The following SETD7 variants were observed in gnomAD, a reference collection of about 807,000 sequenced individuals.
SETD7 encodes histone-lysine N-methyltransferase SETD7.
In SETD7, 16 loss-of-function variants were observed where a neutral mutation model predicts 41.8. The observed-to-expected ratio is 0.38, with a 90% CI of 0.26 to 0.58. The LOEUF (loss-of-function observed/expected upper bound fraction) is 0.58. Among genes scored for constraint, SETD7 ranks in the 20% least tolerant of loss-of-function variants. The pLI is 0.64. For synonymous variants in SETD7, 163 were observed against 169.7 expected, an observed-to-expected ratio of 0.96 and a Z score of 0.31; for missense variants, 346 against 459.7, an observed-to-expected ratio of 0.75 and a Z score of 2.26.
chr4:139,502,672 A>G (rs1389404202), downstream of SETD7, among the ~76,000 whole-genome samples: 6 of 152,206 alleles, frequency 3.9e-5, no homozygotes, highest in Non-Finnish European at 8.8e-5. Context: ...TCCAGATCTC[A>G]AGTCCTTTCC....
At chr4:139,546,507 GA>G in intron 2 of SETD7, 2 of 307,490 alleles carry the variant, frequency 6.5e-6, no homozygotes, top group Non-Finnish European at 1.2e-5. Flanking sequence ...GTGACCCTTG[GA>G]AAAAAGTGTG....
chr4:139,546,679 G>T, intron 2 of SETD7: 1 of 518,380 alleles, frequency 1.9e-6, no homozygotes, highest in Non-Finnish European at 3.4e-6. Flanking sequence ...CCCAAATCTG[G>T]TATCTTTTGG....
downstream of SETD7, among the ~76,000 whole-genome samples, chr4:139,494,269 C>T (rs1235765244): frequency 1.3e-5 from 2 of 152,166 alleles, no homozygotes; most frequent in Non-Finnish European, 2.9e-5. Flanking sequence ...ATCTTTTCAT[C>T]TCAGATTGAA....
At chr4:139,523,266 G>T in intron 5 of SETD7, 88 bp downstream of exon 5, 2 of 931,436 alleles carry the variant, frequency 2.1e-6, no homozygotes, top group South Asian at 1.7e-5. Context: ...AGCCTGGGCA[G>T]AGAGCCAAAG....
intron 7 of SETD7, among the ~76,000 whole-genome samples, chr4:139,517,587 G>A (rs186013309): frequency 3.0e-4 from 46 of 151,528 alleles, no homozygotes; most frequent in Admixed American, 2.5e-3. Context: ...TGTCCAAAAC[G>A]AGAAAACTGA....
chr4:139,496,723 G>C (rs1298045577), intron 7 of SETD7, among the ~76,000 whole-genome samples: 1 of 152,140 alleles, frequency 6.6e-6, no homozygotes, highest in Admixed American at 6.5e-5. Flanking sequence ...ATGTTCCACG[G>C]GGACTGTGTT....
At chr4:139,502,607 G>A (rs1726606675), downstream of SETD7, among the ~76,000 whole-genome samples, 1 of 152,316 alleles carries the variant, frequency 6.6e-6, no homozygotes, top group South Asian at 2.1e-4. Context: ...CCAGAGAGTA[G>A]TCGAAAGCCC....
intron 7 of SETD7, among the ~76,000 whole-genome samples, chr4:139,512,357 T>A (rs1726898982): frequency 6.6e-6 from 1 of 152,210 alleles, no homozygotes; most frequent in African/African-American, 2.4e-5. Context: ...TATTCCACCC[T>A]ATACATAGAG....
chr4:139,529,913 C>A (rs1165026625), intron 3 of SETD7, among the ~76,000 whole-genome samples: 1 of 152,198 alleles, frequency 6.6e-6, no homozygotes, highest in East Asian at 1.9e-4. Flanking sequence ...TCTTTCCACT[C>A]TATTTCCTGC....
intron 1 of SETD7, among the ~76,000 whole-genome samples, chr4:139,550,813 C>A (rs1235152552): frequency 2.0e-5 from 3 of 152,148 alleles, no homozygotes; most frequent in Non-Finnish European, 2.9e-5. Context: ...GGGTTATATG[C>A]TTTCCTGTTA....
chr4:139,506,484 G>T lies in SETD7; in HGVS notation c.*5179C>A, dbSNP rs1252994951. 1 of 152,680 alleles carries T rather than the reference G, an allele frequency of 6.5e-6. No individual in the cohort carries two copies. The highest frequency in any genetic ancestry group is 2.4e-5 in the African/African-American group (1 of 41,572). 9.5% of individuals were successfully genotyped at this position (152,680 alleles called of 1,614,324 possible). On this transcript the variant is annotated 3_prime_UTR_variant, in exon 8 of 8. Coordinates refer to ENST00000274031, the MANE Select transcript of SETD7 (RefSeq NM_030648.4). Reference sequence around the variant, plus strand: ...CCCAGGAGGAAACTTTTGAAGAAGGGAGCTCAGAATCATGGACATAATTTT... The same window carrying T: ...CCCAGGAGGAAACTTTTGAAGAAGGTAGCTCAGAATCATGGACATAATTTT...
chr4:139,513,328 G>C (rs1726931581), intron 7 of SETD7, among the ~76,000 whole-genome samples: 1 of 151,498 alleles, frequency 6.6e-6, no homozygotes, highest in Non-Finnish European at 1.5e-5. Flanking sequence ...GCTGAAGCAC[G>C]AGAATCGCTT....
At chr4:139,534,235 A>T (rs1727573527) in intron 2 of SETD7, among the ~76,000 whole-genome samples, 1 of 152,248 alleles carries the variant, frequency 6.6e-6, no homozygotes, top group Non-Finnish European at 1.5e-5. Context: ...GCCCTATGCA[A>T]TGAAACACCC....
chr4:139,556,159 G>A lies in SETD7; in HGVS notation c.-22C>T. On this transcript the variant is annotated 5_prime_UTR_variant, in exon 1 of 8. Transcript: ENST00000274031. ...CCATGGCGGCTGGGGACACTGCCCAGCTCGGGGCTGCGCGGCTGCCTCCCG... is the reference window on the plus strand; with the variant it reads ...CCATGGCGGCTGGGGACACTGCCCAACTCGGGGCTGCGCGGCTGCCTCCCG... 6.3e-7 allele frequency: 1 copy of A among 1,589,348 alleles called. No homozygotes were observed. Among genetic ancestry groups the A allele is most frequent in the Non-Finnish European group, 8.6e-7 (1 of 1,168,770 alleles).
intron 7 of SETD7, among the ~76,000 whole-genome samples, chr4:139,516,515 G>A (rs908260960): frequency 1.3e-5 from 2 of 150,634 alleles, no homozygotes; most frequent in Non-Finnish European, 3.0e-5. Context: ...CTAGTCATTG[G>A]AGCCCAGAAG....
At position 139,510,627 on chromosome 4, in the gene SETD7, T is replaced by C. The variant is rs995477892; in HGVS notation, c.*1036A>G. The C allele has an allele frequency of 6.6e-6, 1 of 152,182 alleles. No individual in the cohort carries two copies. The highest frequency in any genetic ancestry group is 1.5e-5 in the Non-Finnish European group (1 of 68,024). The allele number at this position is 152,182 out of a possible 1,614,324, so 9.4% of individuals were successfully genotyped here. A position where few individuals can be genotyped will look rare whatever the true frequency, so the allele number is the denominator to read the frequency against. The stretch of plus-strand genomic sequence containing the variant: ...GTGTGTCTGCCTTAGTAGTACTGAC[T>C]AAAAAAATTTTTTTTTGAATTCTGT... On this transcript the variant is annotated 3_prime_UTR_variant, in exon 8 of 8. Coordinates refer to ENST00000274031, the MANE Select transcript of SETD7 (RefSeq NM_030648.4).
At chr4:139,504,427 G>A (rs1299880587), downstream of SETD7, among the ~76,000 whole-genome samples, 1 of 152,072 alleles carries the variant, frequency 6.6e-6, no homozygotes, top group African/African-American at 2.4e-5. Flanking sequence ...GTCATTTTCT[G>A]AAATACTTTT....
intron 4 of SETD7, among the ~76,000 whole-genome samples, chr4:139,523,757 A>C (rs1382054079): frequency 6.6e-6 from 1 of 152,224 alleles, no homozygotes; most frequent in East Asian, 1.9e-4. Flanking sequence ...CTCTTGGCTC[A>C]GATCAAATTG....
intron 1 of SETD7, among the ~76,000 whole-genome samples, chr4:139,549,159 C>T (rs1479849919): frequency 6.6e-6 from 1 of 152,102 alleles, no homozygotes; most frequent in Non-Finnish European, 1.5e-5. Context: ...TCAGTTTAGC[C>T]TCATACTAGA....
Sources: gnomAD v4.1 joint callset for allele counts (sites outside exome capture counted in the v4.1 genomes callset) on GRCh38, gnomAD v4.1.1 for gene constraint, MANE v1.5 for transcripts, NCBI Gene and HGNC (gene_info 2026-07-23, HGNC 2026-07-21) for gene names.